The following MYOM2 variants were observed in gnomAD, a reference collection of about 807,000 sequenced individuals.
The protein encoded by MYOM2 is myomesin 2.
MYOM2 carries 254 observed loss-of-function variants against 187.6 expected under a neutral mutation model. That is an observed-to-expected ratio of 1.35 (90% CI 1.22 to 1.50). MYOM2 has a LOEUF of 1.50. MYOM2 is among the 40% of genes most tolerant of loss of function. MYOM2 has a pLI of 0.00. For synonymous variants in MYOM2, 981 were observed against 753.8 expected (o/e 1.30, Z -4.94); for missense variants, 2,796 against 1,924.0 (o/e 1.45, Z -8.48).
At chr8:2,062,718 A>G (rs1818891973) in intron 6 of MYOM2, among the ~76,000 whole-genome samples, 1 of 152,118 alleles carries the variant, frequency 6.6e-6, no homozygotes, top group Admixed American at 6.5e-5. Context: ...TGGACAGCTC[A>G]TGGGTATGTG....
chr8:2,061,829 A>G (rs1405029096), intron 6 of MYOM2, among the ~76,000 whole-genome samples: 1 of 152,198 alleles, frequency 6.6e-6, no homozygotes, highest in East Asian at 1.9e-4. Context: ...CCCTGCTCAC[A>G]GAGAGCTTGC....
chr8:2,068,073 C>G (rs1819076064), intron 6 of MYOM2, among the ~76,000 whole-genome samples: 2 of 152,178 alleles, frequency 1.3e-5, no homozygotes, highest in African/African-American at 4.8e-5. Flanking sequence ...GATTCTCATC[C>G]CAGGGGCATT....
rs117431193 is a variant in MYOM2, at chr8:2,063,005, C to A, written c.653+3760C>A. On this transcript the variant is annotated intron_variant, in intron 6 of 36. Coordinates refer to ENST00000262113, the MANE Select transcript of MYOM2 (RefSeq NM_003970.4). ...CCCGGAATACCACAAGTCAATGATCCCCTAATATAGGTCTCCTCTGATGGA... is the reference window on the plus strand; with the variant it reads ...CCCGGAATACCACAAGTCAATGATCACCTAATATAGGTCTCCTCTGATGGA... Among the ~76,000 whole-genome samples the A allele has an allele frequency of 4.6e-3, 695 of 152,280 alleles. 1 individual carries two copies. Among genetic ancestry groups the A allele is most frequent in the Non-Finnish European group, 7.4e-3 (501 of 68,032 alleles).
At chr8:2,102,925 GATAA>G (rs1418677983) in intron 21 of MYOM2, 144 bp downstream of exon 21, 15 of 641,722 alleles carry the variant, frequency 2.3e-5, no homozygotes, top group Admixed American at 1.4e-4. Context: ...TGGGTCTGTA[GATAA>G]ATGAATGGGA....
rs142132694 is a variant in MYOM2 at position 2,095,711 on chromosome 8, G to A, written c.2126-536G>A. On this transcript the variant is annotated intron_variant, in intron 17 of 36. Transcript: ENST00000262113. The stretch of plus-strand genomic sequence containing the variant: ...AGCAGACTCAGGCCCATCCGTTCTC[G>A]ACCTGTTAGGAGAAGGCGGTCCGTT... Among the ~76,000 whole-genome samples, 60 of 152,270 alleles carry A rather than the reference G, an allele frequency of 3.9e-4. 1 individual carries two copies. Among genetic ancestry groups the A allele is most frequent in the African/African-American group, 1.2e-3 (49 of 41,554 alleles).
At chr8:2,071,765 G>A (rs1231441995) in intron 8 of MYOM2, among the ~76,000 whole-genome samples, 1 of 152,324 alleles carries the variant, frequency 6.6e-6, no homozygotes, top group East Asian at 1.9e-4. Context: ...CTGTTCTGGA[G>A]GCAGAAGCCT....
chr8:2,065,381 C>T (rs983516409), intron 6 of MYOM2, among the ~76,000 whole-genome samples: 4 of 152,098 alleles, frequency 2.6e-5, no homozygotes, highest in African/African-American at 7.2e-5. Flanking sequence ...CCAGCCTGAG[C>T]AACATGGTGA....
In MYOM2 at chr8:2,096,433, C is replaced by T. The variant is rs191025165; in HGVS notation, c.2312C>T (p.Thr771Met). The T allele has an allele frequency of 5.3e-5, 85 of 1,613,768 alleles. No individual in the cohort carries two copies. The East Asian group carries it at 9.1e-4, about 17-fold the overall frequency. Residue 771 changes from threonine to methionine, a missense_variant and splice_region_variant, in exon 18 of 37, where the codon ACG becomes ATG. By Grantham distance (81) the Thr-to-Met change is moderately conservative. Coordinates refer to ENST00000262113, the MANE Select transcript of MYOM2 (RefSeq NM_003970.4). ...NSSPSKPTIL[T>M]VDGLTEGSLY... Reference sequence around the variant, plus strand: ...TCACCCAGCAAACCGACAATCCTAACGGTCAGTTGGTTTTTATTCCTTCGT... The same window carrying T: ...TCACCCAGCAAACCGACAATCCTAATGGTCAGTTGGTTTTTATTCCTTCGT...
rs756304732 is a variant in MYOM2, at chr8:2,085,491, C to T, written c.1644+101C>T. 5.8e-4 allele frequency: 783 copies of T among 1,348,404 alleles called. 49 individuals are homozygous for T. The highest frequency in any genetic ancestry group is 1.1e-3 in the East Asian group (40 of 36,898). 83.5% of individuals were successfully genotyped at this position (1,348,404 alleles called of 1,614,324 possible). On this transcript the variant is annotated intron_variant, in intron 14 of 36. Transcript: ENST00000262113. ...CCGCTGTCGTGATCTCCGCGTGGCC[C>T]CTCACTGTTGTGATCTCCGCGTGGC...
intron 32 of MYOM2, among the ~76,000 whole-genome samples, chr8:2,131,639 CT>C (rs1443233505): frequency 1.1e-4 from 11 of 97,486 alleles, no homozygotes; most frequent in African/African-American, 6.9e-4. Flanking sequence ...ACAGGCATTT[CT>C]TTCTTTTTTT....
intron 10 of MYOM2, among the ~76,000 whole-genome samples, chr8:2,074,574 C>T (rs932037723): frequency 6.6e-6 from 1 of 152,122 alleles, no homozygotes; most frequent in Non-Finnish European, 1.5e-5. Flanking sequence ...CCTGCCTCAG[C>T]CTCCCCGGTA....
rs115393575 is a variant in MYOM2, at chr8:2,144,825, C to A, written c.4242C>A (p.Gly1414=). ...TIKGVTSEDS[G]KYSINIKNKY... ...AAGGCGTGACCTCCGAGGACTCGGG[C>A]AAGTACAGCATCAACATCAAGAATA... Residue 1414 remains glycine (G), a synonymous_variant, in exon 37 of 37, where the codon GGC becomes GGA. Transcript: ENST00000262113. 6.7e-4 allele frequency: 1,084 copies of A among 1,614,166 alleles called. 10 individuals are homozygous for A. The African/African-American group carries it at 0.013, about 20-fold the overall frequency.
chr8:2,051,496 C>T (rs965502733), intron 2 of MYOM2, among the ~76,000 whole-genome samples: 6 of 152,224 alleles, frequency 3.9e-5, no homozygotes, highest in African/African-American at 1.4e-4. Flanking sequence ...GGACCGCGGG[C>T]AGGCGTTCTG....
intron 32 of MYOM2, among the ~76,000 whole-genome samples, chr8:2,134,610 G>T (rs1314892237): frequency 3.4e-5 from 5 of 145,216 alleles, no homozygotes; most frequent in African/African-American, 1.3e-4. Context: ...TTGTTCTGCT[G>T]GGAGGCGCTG....
At chr8:2,068,569 G>A (rs551067669) in intron 6 of MYOM2, among the ~76,000 whole-genome samples, 1 of 152,174 alleles carries the variant, frequency 6.6e-6, no homozygotes, top group African/African-American at 2.4e-5. Context: ...AGCATCCCGG[G>A]GGACAGCTCT....
intron 32 of MYOM2, among the ~76,000 whole-genome samples, chr8:2,139,059 A>T (rs1384304198): frequency 1.8e-5 from 1 of 57,122 alleles, no homozygotes; most frequent in East Asian, 3.9e-4. Flanking sequence ...CCCGACACAC[A>T]CTGCCAGCAC....
chr8:2,100,380 C>G (rs1325573315), intron 19 of MYOM2: 1 of 155,014 alleles, frequency 6.5e-6, no homozygotes, highest in Non-Finnish European at 1.4e-5. Flanking sequence ...GGCGGGGCTG[C>G]CTCTCTGTTT....
chr8:2,085,518 C>CCCTACTGTTGTGAT, intron 14 of MYOM2, 128 bp downstream of exon 14: 5 of 620,068 alleles, frequency 8.1e-6, no homozygotes, highest in South Asian at 2.3e-5. Flanking sequence ...CCGCGTGGCC[C>CCCTACTGTTGTGAT]CCCACTGTTG....
intron 1 of MYOM2, among the ~76,000 whole-genome samples, chr8:2,048,964 A>AT (rs1818396072): frequency 6.6e-6 from 1 of 150,642 alleles, no homozygotes; most frequent in Non-Finnish European, 1.5e-5. Context: ...AATTTTTTGT[A>AT]TTTTTTTTAG....
Sources: gnomAD v4.1 joint callset for allele counts (sites outside exome capture counted in the v4.1 genomes callset) on GRCh38, gnomAD v4.1.1 for gene constraint, MANE v1.5 for transcripts, NCBI Gene and HGNC (gene_info 2026-07-23, HGNC 2026-07-21) for gene names.